The following FRY variants were observed in gnomAD, a reference collection of about 807,000 sequenced individuals.
The protein encoded by FRY is protein furry homolog.
In FRY, 128 loss-of-function variants were observed where a neutral mutation model predicts 348.4. The observed-to-expected ratio is 0.37, with a 90% CI of 0.32 to 0.43. The LOEUF (loss-of-function observed/expected upper bound fraction) is 0.43, where lower values mean the gene tolerates loss of function less well. Among genes scored for constraint, FRY ranks in the 20% least tolerant of loss-of-function variants. The pLI is 1.00. For synonymous variants in FRY, 1,370 were observed against 1,374.7 expected, an observed-to-expected ratio of 1.00 and a Z score of 0.08; for missense variants, 2,736 against 3,695.2, an observed-to-expected ratio of 0.74 and a Z score of 6.73.
At chr13:32,263,123 G>GCCCA (rs1189121043) in intron 53 of FRY, among the ~76,000 whole-genome samples, 12 of 152,168 alleles carry the variant, frequency 7.9e-5, no homozygotes, top group African/African-American at 2.7e-4. Context: ...TGCATGCTAT[G>GCCCA]CCCACATCTA....
intron 22 of FRY, 38 bp downstream of exon 22, chr13:32,179,071 T>TG (rs1566114036): frequency 6.7e-7 from 1 of 1,483,342 alleles, no homozygotes; most frequent in East Asian, 2.3e-5. Flanking sequence ...TTCTGTAAGG[T>TG]TTTTTTTTAG....
intron 7 of FRY, among the ~76,000 whole-genome samples, chr13:32,126,530 G>C (rs1175137214): frequency 6.6e-6 from 1 of 152,160 alleles, no homozygotes; most frequent in Non-Finnish European, 1.5e-5. Context: ...CTATTCTGCG[G>C]TAGTAGGGTG....
Position 32,254,305 on chromosome 13 carries a change from CAGG to C in FRY, c.7330_7332del (p.Glu2444del). On this transcript the variant is annotated inframe_deletion, in exon 51 of 61. Transcript: ENST00000542859. ...ATCTTCTGAGGACGGTGCCCGAGAG[CAGG>C]AGAACATGGATGACACAAACAGCGA... The C allele has an allele frequency of 6.2e-7, 1 of 1,613,956 alleles. No homozygotes were observed. Among genetic ancestry groups the C allele is most frequent in the East Asian group, 2.2e-5 (1 of 44,872 alleles).
chr13:32,040,138 T>C (rs1024781385), intron 1 of FRY, among the ~76,000 whole-genome samples: 2 of 152,244 alleles, frequency 1.3e-5, no homozygotes, highest in African/African-American at 4.8e-5. Context: ...ATGAAAAGAA[T>C]AGGGTATTAG....
rs767815672 is a variant in FRY, at chr13:32,135,157, C to A, written c.1051C>A (p.Leu351Ile). The A allele has an allele frequency of 2.5e-6, 4 of 1,610,110 alleles. No homozygotes were observed. Among genetic ancestry groups the A allele is most frequent in the Non-Finnish European group, 3.4e-6 (4 of 1,176,356 alleles). ...AAGCCTGTATGACACCACGCTGGAACTTTCTTCTCGAAAGAAGCATTCCTT... is the reference window on the plus strand; with the variant it reads ...AAGCCTGTATGACACCACGCTGGAAATTTCTTCTCGAAAGAAGCATTCCTT... ...VESLYDTTLELSSRKKHSLAL... is the reference protein window; with the variant it reads ...VESLYDTTLEISSRKKHSLAL... The change falls in exon 10 of 61, where the codon CTT (leucine) becomes ATT (isoleucine). Residue 351 changes from leucine (L) to isoleucine (I), a missense_variant. This residue lies in a region of FRY where 191 missense variants were observed against 370.2 expected (regional missense o/e 0.52). Coordinates refer to ENST00000542859, the MANE Select transcript of FRY (RefSeq NM_023037.3).
rs769010546 is a variant in FRY at position 32,187,655 on chromosome 13, G to A, written c.3590G>A (p.Arg1197Gln). ...LDNILACQDLRVHQLGCEVVV... is the reference protein window; with the variant it reads ...LDNILACQDLQVHQLGCEVVV... The stretch of plus-strand genomic sequence containing the variant: ...AACATTCTGGCTTGTCAAGATTTAC[G>A]AGTAAGTATAGGCAAAAATACATTG... The change falls in exon 28 of 61, where the codon CGA becomes CAA. Residue 1197 changes from arginine to glutamine, a missense_variant and splice_region_variant. This residue lies in a region of FRY where 794 missense variants were observed against 977.0 expected (regional missense o/e 0.81). Transcript: ENST00000542859. 8 of 1,550,618 alleles carry A rather than the reference G, an allele frequency of 5.2e-6. No homozygotes were observed. Among genetic ancestry groups the A allele is most frequent in the African/African-American group, 1.4e-5 (1 of 73,684 alleles).
chr13:32,086,621 C>T (rs1481972219), intron 2 of FRY, among the ~76,000 whole-genome samples: 1 of 152,058 alleles, frequency 6.6e-6, no homozygotes, highest in East Asian at 1.9e-4. Flanking sequence ...CATAAAATGT[C>T]ATCGGGAAGA....
chr13:32,059,352 G>C (rs1379651433), intron 1 of FRY, among the ~76,000 whole-genome samples: 3 of 148,416 alleles, frequency 2.0e-5, no homozygotes, highest in African/African-American at 7.4e-5. Context: ...AATCAACATG[G>C]ATTTATTTGC....
intron 1 of FRY, among the ~76,000 whole-genome samples, chr13:32,042,802 A>G (rs891281888): frequency 6.6e-6 from 1 of 152,210 alleles, no homozygotes; most frequent in Non-Finnish European, 1.5e-5. Context: ...GCAAAGTTGA[A>G]TGGAATAGCC....
intron 28 of FRY, among the ~76,000 whole-genome samples, chr13:32,189,987 G>A (rs1434570151): frequency 1.3e-5 from 2 of 151,844 alleles, no homozygotes; most frequent in East Asian, 3.9e-4. Context: ...AGAACTGTAA[G>A]GTTGGTTAAT....
chr13:32,068,911 C>CTTTTTT (rs142807722), intron 1 of FRY, among the ~76,000 whole-genome samples: 3 of 82,858 alleles, frequency 3.6e-5, no homozygotes, highest in Non-Finnish European at 4.6e-5. Context: ...ATGTTCAATT[C>CTTTTTT]TTTTTTTTTT....
intron 2 of FRY, among the ~76,000 whole-genome samples, chr13:32,094,646 A>G (rs886525827): frequency 6.6e-6 from 1 of 152,152 alleles, no homozygotes; most frequent in Non-Finnish European, 1.5e-5. Flanking sequence ...TACTTCACTT[A>G]ATGACCTCCA....
At chr13:32,047,112 T>C (rs1873062437) in intron 1 of FRY, among the ~76,000 whole-genome samples, 1 of 152,266 alleles carries the variant, frequency 6.6e-6, no homozygotes, top group Non-Finnish European at 1.5e-5. Flanking sequence ...TATGTTTATC[T>C]ATATATACCT....
In FRY at chr13:32,244,136, A is replaced by G. The variant is rs1192160586; in HGVS notation, c.6782A>G (p.Lys2261Arg). The part of the protein sequence containing the change: ...SYMDLSVVPV[K>R]QFNVEVLKTI... ...ATGGACCTTTCTGTCGTTCCTGTCA[A>G]ACAGTTCAATGTGGAAGTTCTGAAG... The change falls in exon 47 of 61, where the codon AAA becomes AGA. Residue 2261 changes from lysine to arginine, a missense_variant. Lys to Arg is a conservative substitution (Grantham distance 26). This residue lies in a region of FRY where 789 missense variants were observed against 996.2 expected (regional missense o/e 0.79). Transcript: ENST00000542859. 1 of 1,613,860 alleles carries G rather than the reference A, an allele frequency of 6.2e-7. No homozygotes were observed. The highest frequency in any genetic ancestry group is 2.2e-5 in the East Asian group (1 of 44,882).
intron 11 of FRY, among the ~76,000 whole-genome samples, chr13:32,145,418 A>C (rs1880341008): frequency 6.6e-6 from 1 of 152,106 alleles, no homozygotes; most frequent in Admixed American, 6.5e-5. Flanking sequence ...TTTTGTGGAC[A>C]AAATCTATAA....
At chr13:32,236,900 A>C (rs1163417955) in intron 43 of FRY, among the ~76,000 whole-genome samples, 1 of 152,146 alleles carries the variant, frequency 6.6e-6, no homozygotes, top group Non-Finnish European at 1.5e-5. Flanking sequence ...AAAGAGTTTT[A>C]CCTTTTCAGC....
At chr13:32,053,681 C>T (rs1020913957) in intron 1 of FRY, among the ~76,000 whole-genome samples, 3 of 152,176 alleles carry the variant, frequency 2.0e-5, no homozygotes, top group African/African-American at 7.2e-5. Flanking sequence ...AAGAGTCTTC[C>T]CTGAAGGAGG....
At chr13:32,133,933 C>T (rs2138769318) in intron 8 of FRY, among the ~76,000 whole-genome samples, 1 of 152,104 alleles carries the variant, frequency 6.6e-6, no homozygotes, top group South Asian at 2.1e-4. Flanking sequence ...GTGCCGCCAT[C>T]ATGCCCAACT....
chr13:32,055,664 C>A (rs1417936582), intron 1 of FRY, among the ~76,000 whole-genome samples: 2 of 151,980 alleles, frequency 1.3e-5, no homozygotes, highest in Non-Finnish European at 2.9e-5. Context: ...AGAACCTGTG[C>A]AATAATCCTT....
Sources: gnomAD v4.1 joint callset for allele counts (sites outside exome capture counted in the v4.1 genomes callset) on GRCh38, gnomAD v4.1.1 for gene constraint, gnomAD v4.1.1 regional missense constraint, MANE v1.5 for transcripts, NCBI Gene and HGNC (gene_info 2026-07-23, HGNC 2026-07-21) for gene names.